Variants in RAI14 observed in about 807,000 individuals in gnomAD.
RAI14 encodes retinoic acid induced 14.
In RAI14, 45 loss-of-function variants were observed where a neutral mutation model predicts 115.4. The observed-to-expected ratio is 0.39, with a 90% CI of 0.31 to 0.50. RAI14 has a LOEUF of 0.50. RAI14 is among the 20% of genes least tolerant of loss of function. The pLI is 0.85. For synonymous variants in RAI14, 371 were observed against 415.4 expected, an observed-to-expected ratio of 0.89 and a Z score of 1.30; for missense variants, 939 against 1,131.2, an observed-to-expected ratio of 0.83 and a Z score of 2.44.
intron 2 of RAI14, among the ~76,000 whole-genome samples, chr5:34,697,109 C>T (rs377103452): frequency 1.9e-4 from 29 of 150,580 alleles, no homozygotes; most frequent in East Asian, 5.9e-4. Flanking sequence ...CTAGCCTGGC[C>T]GACAGAGTAA....
In RAI14 at chr5:34,802,356, C is replaced by T. The variant is rs187194806; in HGVS notation, c.257-1356C>T. Among the ~76,000 whole-genome samples, 32 of 152,238 alleles carry T rather than the reference C, an allele frequency of 2.1e-4. No homozygotes were observed. The East Asian group carries it at 6.2e-3, about 29-fold the overall frequency. On this transcript the variant is annotated intron_variant, in intron 4 of 17. Coordinates refer to ENST00000265109, the MANE Select transcript of RAI14 (RefSeq NM_015577.3). ...TAAGCAGGGTCGGGCCTGGTTAGTA[C>T]TTGGATGGGAGAAAGTGCTTTAAAC... is the stretch of plus-strand genomic sequence containing the variant.
intron 4 of RAI14, among the ~76,000 whole-genome samples, chr5:34,796,833 AAC>A (rs1352647415): frequency 3.3e-5 from 5 of 151,664 alleles, no homozygotes; most frequent in African/African-American, 1.2e-4. Flanking sequence ...CACACACACA[AAC>A]ACACACACAC....
intron 13 of RAI14, among the ~76,000 whole-genome samples, chr5:34,821,395 C>CACA (rs1433474354): frequency 6.6e-6 from 1 of 152,096 alleles, no homozygotes; most frequent in East Asian, 1.9e-4. Context: ...TAAAATGATT[C>CACA]ACATAACTGA....
rs1481852450 is a variant in RAI14, at chr5:34,827,638, G to A, written c.2799+1159G>A. The stretch of plus-strand genomic sequence containing the variant: ...TTTGGAGGAAACAGCTCTAGAAATG[G>A]TGGATACTTAGGAGAAGCTGCTCTT... On this transcript the variant is annotated intron_variant, in intron 16 of 17. Coordinates refer to ENST00000265109, the MANE Select transcript of RAI14 (RefSeq NM_015577.3). The surrounding 1 kb of genome is among the most constrained non-coding windows in gnomAD (Gnocchi z 4.2). Among the ~76,000 whole-genome samples, 1 of 152,214 alleles carries A rather than the reference G, an allele frequency of 6.6e-6. No homozygotes were observed. Among genetic ancestry groups the A allele is most frequent in the Admixed American group, 6.5e-5 (1 of 15,286 alleles).
intron 4 of RAI14, 130 bp downstream of exon 4, chr5:34,796,157 G>C (rs1753508115): frequency 1.5e-6 from 1 of 682,344 alleles, no homozygotes; most frequent in Non-Finnish European, 2.6e-6. Flanking sequence ...CACTCTGCGA[G>C]GGTGAGGTGT....
Position 34,803,692 on chromosome 5 carries a change from A to G in RAI14, c.257-20A>G. The G allele has an allele frequency of 6.3e-7, 1 of 1,577,248 alleles. No homozygotes were observed. The highest frequency in any genetic ancestry group is 8.6e-7 in the Non-Finnish European group (1 of 1,159,692). On this transcript the variant is annotated intron_variant, in intron 4 of 17. Transcript: ENST00000265109. The stretch of plus-strand genomic sequence containing the variant: ...TGTGGCCTTTTTAAAAAAAATTATT[A>G]TTTGAAAAAATCCATTTAGGACACA...
chr5:34,688,169 C>T, intron 2 of RAI14: 1 of 1,542,002 alleles, frequency 6.5e-7, no homozygotes, highest in South Asian at 1.2e-5. Context: ...TTCCGAGAAA[C>T]CTCCTTCAAC....
At chr5:34,810,732 C>T (rs1755482920) in intron 7 of RAI14, among the ~76,000 whole-genome samples, 1 of 152,126 alleles carries the variant, frequency 6.6e-6, no homozygotes, top group South Asian at 2.1e-4. Flanking sequence ...GTTCTGTCCT[C>T]TCTCACAGTC....
chr5:34,691,503 T>A (rs1315325824), intron 2 of RAI14, among the ~76,000 whole-genome samples: 1 of 152,116 alleles, frequency 6.6e-6, no homozygotes, highest in Non-Finnish European at 1.5e-5. Context: ...GCTGTCGTCA[T>A]GAAAAATGAG....
intron 3 of RAI14, among the ~76,000 whole-genome samples, chr5:34,787,299 G>A (rs1188997257): frequency 3.3e-5 from 5 of 152,134 alleles, no homozygotes; most frequent in Non-Finnish European, 5.9e-5. Flanking sequence ...ACAACCACTC[G>A]TACATGAATG....
intron 9 of RAI14, 110 bp downstream of exon 9, chr5:34,812,055 T>G: frequency 1.5e-6 from 2 of 1,314,498 alleles, no homozygotes; most frequent in Non-Finnish European, 2.1e-6. Flanking sequence ...TTTAAACATA[T>G]TCTTGAAAAA....
intron 2 of RAI14, among the ~76,000 whole-genome samples, chr5:34,695,355 A>G (rs1440483151): frequency 6.6e-6 from 1 of 152,180 alleles, no homozygotes; most frequent in African/African-American, 2.4e-5. Flanking sequence ...CTTCTGAAGT[A>G]AATGTTTAAA....
intron 2 of RAI14, chr5:34,728,757 A>G (rs941111561): frequency 2.1e-5 from 3 of 143,612 alleles, no homozygotes; most frequent in African/African-American, 8.1e-5. Flanking sequence ...TGTTTCTACA[A>G]AAAAAAAAAA....
At chr5:34,782,284 CT>C (rs1325906762) in intron 3 of RAI14, among the ~76,000 whole-genome samples, 11 of 151,788 alleles carry the variant, frequency 7.2e-5, no homozygotes, top group African/African-American at 2.4e-4. Flanking sequence ...GTCTTTTTTT[CT>C]TTTTTTTCAA....
chr5:34,672,527 G>C (rs2149857556), intron 1 of RAI14, among the ~76,000 whole-genome samples: 1 of 152,284 alleles, frequency 6.6e-6, no homozygotes, highest in Admixed American at 6.5e-5. Context: ...TAGTTAACAG[G>C]AGTTTGTCTT....
chr5:34,786,992 C>T (rs1752375437), intron 3 of RAI14, among the ~76,000 whole-genome samples: 1 of 152,366 alleles, frequency 6.6e-6, no homozygotes, highest in African/African-American at 2.4e-5. Context: ...TGTTAGTTAT[C>T]TGCATCAGGA....
intron 3 of RAI14, among the ~76,000 whole-genome samples, chr5:34,769,873 T>A (rs900855843): frequency 6.6e-6 from 1 of 152,166 alleles, no homozygotes; most frequent in African/African-American, 2.4e-5. Context: ...ATTTCAGGCA[T>A]GTGCCACAAT....
chr5:34,725,049 G>GAA (rs890093016), intron 2 of RAI14, among the ~76,000 whole-genome samples: 2 of 145,204 alleles, frequency 1.4e-5, no homozygotes, highest in African/African-American at 5.1e-5. Context: ...GAGAGAGAGG[G>GAA]AAAAAAAAAA....
intron 2 of RAI14, among the ~76,000 whole-genome samples, chr5:34,752,969 A>G (rs1302058947): frequency 1.3e-5 from 2 of 151,988 alleles, no homozygotes; most frequent in African/African-American, 4.8e-5. Flanking sequence ...ATACACATAC[A>G]TGTAATAAAT....
Sources: allele counts gnomAD v4.1 joint callset (sites outside exome capture counted in the v4.1 genomes callset), GRCh38; gene constraint gnomAD v4.1.1; non-coding constraint Gnocchi (gnomAD v3.1); transcripts MANE v1.5; gene names NCBI Gene and HGNC (gene_info 2026-07-23, HGNC 2026-07-21).